NELL1: variants seen among roughly 807,000 people sequenced by gnomAD.
The protein encoded by NELL1 is protein kinase C-binding protein NELL1.
In NELL1, 76 loss-of-function variants were observed where a neutral mutation model predicts 107.4. The ratio of observed to expected loss-of-function variants is 0.71; its 90% CI spans 0.59 to 0.86. The LOEUF is 0.86. Ranked by LOEUF, NELL1 falls within the 40% of genes least tolerant of loss-of-function variation. NELL1 has a pLI of 0.00. For synonymous variants in NELL1, 353 were observed against 341.2 expected (o/e 1.03, Z -0.38); for missense variants, 1,024 against 1,005.5 (o/e 1.02, Z -0.25).
At chr11:21,226,077 T>C (rs1018321794) in intron 13 of NELL1, among the ~76,000 whole-genome samples, 1 of 152,170 alleles carries the variant, frequency 6.6e-6, no homozygotes, top group African/African-American at 2.4e-5. Flanking sequence ...TGCAGCATCC[T>C]TGGCAACTGG....
At chr11:21,103,478 C>T (rs1267504262) in intron 12 of NELL1, among the ~76,000 whole-genome samples, 3 of 152,104 alleles carry the variant, frequency 2.0e-5, no homozygotes, top group Non-Finnish European at 4.4e-5. Context: ...TCTCTTGAGC[C>T]TCCATAAGGT....
chr11:20,709,246 A>G (rs1044170096), intron 2 of NELL1, among the ~76,000 whole-genome samples: 8 of 152,128 alleles, frequency 5.3e-5, no homozygotes, highest in Admixed American at 3.9e-4. Flanking sequence ...CAGTTTCATT[A>G]TTCGACCTGG....
rs901262413 is a variant in NELL1, at chr11:20,832,912, G to A, written c.336-14671G>A. On this transcript the variant is annotated intron_variant, in intron 3 of 19. Coordinates refer to ENST00000357134, the MANE Select transcript of NELL1 (RefSeq NM_006157.5). Reference sequence around the variant, plus strand: ...GGAGCCGTCAGCACCAGGAACAAAGGAGGGTTCCATGTTGGTTCTGTTAAG... The same window carrying A: ...GGAGCCGTCAGCACCAGGAACAAAGAAGGGTTCCATGTTGGTTCTGTTAAG... 2.6e-5 allele frequency among the ~76,000 whole-genome samples: 4 copies of A among 152,268 alleles called. No homozygotes were observed. In the East Asian group the frequency reaches 5.8e-4, roughly 22 times the overall value.
chr11:20,825,143 C>T (rs919912363), intron 3 of NELL1, among the ~76,000 whole-genome samples: 4 of 151,376 alleles, frequency 2.6e-5, no homozygotes, highest in African/African-American at 9.7e-5. Flanking sequence ...GAACCTCTGC[C>T]TAGATTTCAG....
At chr11:20,696,178 TAATC>T (rs1854611496) in intron 2 of NELL1, among the ~76,000 whole-genome samples, 1 of 152,134 alleles carries the variant, frequency 6.6e-6, no homozygotes, top group Non-Finnish European at 1.5e-5. Context: ...TTTTCCTTGT[TAATC>T]TAGCTAGTGC....
chr11:21,300,183 A>G (rs1849463528), intron 14 of NELL1, among the ~76,000 whole-genome samples: 1 of 152,054 alleles, frequency 6.6e-6, no homozygotes, highest in Non-Finnish European at 1.5e-5. Flanking sequence ...GACTTCTCTA[A>G]GATAGCATCT....
chr11:21,317,397 A>C (rs572164089), intron 14 of NELL1, among the ~76,000 whole-genome samples: 2 of 314 alleles, frequency 6.4e-3, no homozygotes. Context: ...GGATATATTC[A>C]TCAAGGTGGG....
At chr11:21,019,483 C>T (rs181330526) in intron 12 of NELL1, among the ~76,000 whole-genome samples, 3 of 152,084 alleles carry the variant, frequency 2.0e-5, no homozygotes, top group East Asian at 1.9e-4. Context: ...GCATTCTTGT[C>T]GAATTAGGGG....
At chr11:21,543,504 G>C (rs1437467943) in intron 16 of NELL1, among the ~76,000 whole-genome samples, 1 of 151,986 alleles carries the variant, frequency 6.6e-6, no homozygotes, top group East Asian at 1.9e-4. Context: ...AGTATTATCA[G>C]GGTGCAGAAT....
intron 14 of NELL1, among the ~76,000 whole-genome samples, chr11:21,269,070 G>A (rs1848690198): frequency 6.6e-6 from 1 of 151,884 alleles, no homozygotes; most frequent in Non-Finnish European, 1.5e-5. Flanking sequence ...AAATCTCTGA[G>A]CTTGAAGATA....
At chr11:20,968,230 G>A (rs1481159963) in intron 12 of NELL1, among the ~76,000 whole-genome samples, 1 of 152,106 alleles carries the variant, frequency 6.6e-6, no homozygotes, top group Non-Finnish European at 1.5e-5. Flanking sequence ...TCTGTTTAAA[G>A]TTTTATTATC....
intron 4 of NELL1, 86 bp from the exon 5 acceptor site, chr11:20,885,358 A>G (rs1003080138): frequency 2.5e-6 from 2 of 806,100 alleles, no homozygotes; most frequent in Admixed American, 3.6e-5. Flanking sequence ...ACAGCAGCTA[A>G]TGGCATGCAT....
intron 1 of NELL1, chr11:20,671,032 C>A (rs1853893138): frequency 6.6e-6 from 1 of 152,332 alleles, no homozygotes; most frequent in Admixed American, 6.5e-5. Flanking sequence ...GAGGGCCCTT[C>A]CCACTTCCCC....
At chr11:20,825,419 G>A (rs1857859349) in intron 3 of NELL1, among the ~76,000 whole-genome samples, 1 of 151,432 alleles carries the variant, frequency 6.6e-6, no homozygotes, top group Non-Finnish European at 1.5e-5. Context: ...CAGCTGGGAA[G>A]GGAACTGTAC....
intron 5 of NELL1, among the ~76,000 whole-genome samples, chr11:20,906,290 C>T (rs1046214133): frequency 1.1e-4 from 17 of 151,934 alleles, no homozygotes; most frequent in Non-Finnish European, 1.5e-4. Context: ...TGAAGAAGAC[C>T]GGATCATGAA....
At chr11:20,959,029 A>G (rs757685626) in intron 11 of NELL1, among the ~76,000 whole-genome samples, 5 of 152,238 alleles carry the variant, frequency 3.3e-5, no homozygotes, top group African/African-American at 4.8e-5. Context: ...ATGTCTTTCA[A>G]AATTGGTGCT....
At chr11:21,387,664 C>A (rs1269569257) in intron 15 of NELL1, among the ~76,000 whole-genome samples, 1 of 151,770 alleles carries the variant, frequency 6.6e-6, no homozygotes. Context: ...CTGAATACAA[C>A]AAAAGTTTTG....
At chr11:20,996,461 G>T (rs1385829296) in intron 12 of NELL1, among the ~76,000 whole-genome samples, 2 of 152,128 alleles carry the variant, frequency 1.3e-5, no homozygotes, top group African/African-American at 4.8e-5. Flanking sequence ...TGTCACTGGG[G>T]CTACTGATTC....
intron 14 of NELL1, among the ~76,000 whole-genome samples, chr11:21,331,759 G>A (rs902965824): frequency 1.3e-5 from 2 of 152,024 alleles, no homozygotes; most frequent in Non-Finnish European, 2.9e-5. Context: ...CTTTATTGCT[G>A]TCTCTTTCCC....
Sources: gnomAD v4.1 joint callset for allele counts (sites outside exome capture counted in the v4.1 genomes callset) on GRCh38, gnomAD v4.1.1 for gene constraint, MANE v1.5 for transcripts, NCBI Gene and HGNC (gene_info 2026-07-23, HGNC 2026-07-21) for gene names.